The following SOX5 variants were observed in gnomAD, a reference collection of about 807,000 sequenced individuals.
The protein encoded by SOX5 is transcription factor SOX-5.
SOX5 carries 9 observed loss-of-function variants against 92.0 expected under a neutral mutation model. The observed-to-expected ratio is 0.10, with a 90% CI of 0.06 to 0.17. The LOEUF is 0.17. Ranked by LOEUF, SOX5 falls within the 10% of genes least tolerant of loss-of-function variation. The probability of loss-of-function intolerance (pLI) is 1.00; values close to 1 mark genes in which losing one functional copy is unlikely to be tolerated. For missense variants in SOX5, 642 were observed against 944.5 expected, an observed-to-expected ratio of 0.68 and a Z score of 4.20; for synonymous variants, 344 against 336.3, an observed-to-expected ratio of 1.02 and a Z score of -0.25.
intron 4 of SOX5, among the ~76,000 whole-genome samples, chr12:24,099,731 A>G (rs1203677544): frequency 6.6e-6 from 1 of 152,136 alleles, no homozygotes; most frequent in Non-Finnish European, 1.5e-5. Context: ...TGGTTTCTTG[A>G]AGATGTATTA....
chr12:24,300,101 TA>T lies in SOX5; in HGVS notation c.-173-22790del, dbSNP rs368909300. ...CGAAACACTGCTTTCATGAACAATT[TA>T]AATGTATTTTAAACTTATTTTGACT... is the stretch of plus-strand genomic sequence containing the variant. On this transcript the variant is annotated intron_variant, in intron 2 of 4. Coordinates refer to the SOX5 transcript ENST00000446891. 1.2e-4 allele frequency among the ~76,000 whole-genome samples: 19 copies of T among 152,366 alleles called. No homozygotes were observed. The East Asian group carries it at 2.3e-3, about 19-fold the overall frequency.
At chr12:23,973,945 C>A (rs1041405235) in intron 4 of SOX5, among the ~76,000 whole-genome samples, 2 of 152,142 alleles carry the variant, frequency 1.3e-5, no homozygotes, top group Non-Finnish European at 2.9e-5. Context: ...CCACTCCCTG[C>A]CTGTGCCTGA....
chr12:23,622,417 T>G (rs867019647), intron 8 of SOX5, among the ~76,000 whole-genome samples: 2 of 152,170 alleles, frequency 1.3e-5, no homozygotes, highest in South Asian at 4.1e-4. Context: ...TTTCTCTTTT[T>G]TATTTGGATC....
chr12:23,963,082 G>C (rs1310149816), intron 4 of SOX5, among the ~76,000 whole-genome samples: 2 of 152,116 alleles, frequency 1.3e-5, no homozygotes, highest in Non-Finnish European at 2.9e-5. Flanking sequence ...AAGATGACCA[G>C]CCATTTCTGG....
At chr12:24,371,745 C>T (rs1003373689) in intron 1 of SOX5, among the ~76,000 whole-genome samples, 22 of 152,272 alleles carry the variant, frequency 1.4e-4, no homozygotes, top group African/African-American at 5.1e-4. Flanking sequence ...CTCAACACTT[C>T]GGGAGGCCGA....
chr12:23,543,123 C>T, intron 13 of SOX5, 88 bp downstream of exon 13: 1 of 1,066,060 alleles, frequency 9.4e-7, no homozygotes, highest in Non-Finnish European at 1.4e-6. Flanking sequence ...ACCTGTATGG[C>T]CTCCAAATCC....
At chr12:24,181,014 T>C (rs1158150914) in intron 4 of SOX5, among the ~76,000 whole-genome samples, 1 of 152,192 alleles carries the variant, frequency 6.6e-6, no homozygotes, top group African/African-American at 2.4e-5. Flanking sequence ...GAAGTATTTT[T>C]CATGTTGCTT....
intron 3 of SOX5, among the ~76,000 whole-genome samples, chr12:23,804,464 A>C (rs894540379): frequency 6.6e-6 from 1 of 152,122 alleles, no homozygotes; most frequent in Non-Finnish European, 1.5e-5. Context: ...CTCTGATCAG[A>C]TCACACCACT....
At chr12:23,560,112 C>T (rs1029604004) in intron 11 of SOX5, among the ~76,000 whole-genome samples, 2 of 151,992 alleles carry the variant, frequency 1.3e-5, no homozygotes, top group East Asian at 1.9e-4. Flanking sequence ...GGTTTCACCA[C>T]GTTGGCCAGG....
In SOX5 at chr12:23,532,308, C is replaced by T. The variant is rs1057316908; in HGVS notation, c.*1911G>A. 6.6e-6 allele frequency: 1 copy of T among 152,002 alleles called. No individual in the cohort carries two copies. Among genetic ancestry groups the T allele is most frequent in the Non-Finnish European group, 1.5e-5 (1 of 67,976 alleles). The allele number at this position is 152,002 out of a possible 1,614,324, so 9.4% of individuals were successfully genotyped here. A position where few individuals can be genotyped will look rare whatever the true frequency, so the allele number is the denominator to read the frequency against. ...GAGAGAGAGAAAAATAAAAGGGATT[C>T]TTTTTTTATTTATATGTAAAAATCC... On this transcript the variant is annotated 3_prime_UTR_variant, in exon 15 of 15. Transcript: ENST00000451604.
chr12:24,498,339 T>C (rs1000348250), intron 1 of SOX5, among the ~76,000 whole-genome samples: 4 of 152,176 alleles, frequency 2.6e-5, no homozygotes, highest in Admixed American at 2.6e-4. Context: ...AAATCAGTGA[T>C]AGGACTGAGT....
chr12:24,208,219 C>T (rs1301986058), intron 4 of SOX5, among the ~76,000 whole-genome samples: 1 of 152,078 alleles, frequency 6.6e-6, no homozygotes. Context: ...TATAGCCATA[C>T]AGTTTATAAA....
At chr12:23,936,243 T>C (rs185101386) in intron 1 of SOX5, among the ~76,000 whole-genome samples, 51 of 151,154 alleles carry the variant, frequency 3.4e-4, no homozygotes, top group Admixed American at 3.4e-3. Flanking sequence ...GCTGAAGGTA[T>C]TCTTACCCCT....
At chr12:24,096,681 G>A (rs1038934088) in intron 4 of SOX5, among the ~76,000 whole-genome samples, 1 of 152,104 alleles carries the variant, frequency 6.6e-6, no homozygotes, top group Non-Finnish European at 1.5e-5. Flanking sequence ...TACACTGTAT[G>A]TACAGACACA....
At chr12:24,381,734 A>G (rs1957850414) in intron 1 of SOX5, among the ~76,000 whole-genome samples, 2 of 152,228 alleles carry the variant, frequency 1.3e-5, no homozygotes, top group Non-Finnish European at 2.9e-5. Context: ...AGTGACCCAC[A>G]CATAGTTTTT....
chr12:24,256,776 C>G (rs557921573), intron 3 of SOX5, among the ~76,000 whole-genome samples: 1 of 152,162 alleles, frequency 6.6e-6, no homozygotes, highest in East Asian at 1.9e-4. Context: ...AACACACACA[C>G]AGAGCATAAA....
chr12:24,327,911 C>T (rs574162596), intron 2 of SOX5, among the ~76,000 whole-genome samples: 1 of 152,016 alleles, frequency 6.6e-6, no homozygotes, highest in African/African-American at 2.4e-5. Flanking sequence ...AGGCTGGTCT[C>T]GAACTTGTGA....
intron 3 of SOX5, among the ~76,000 whole-genome samples, chr12:23,794,944 C>T (rs751466139): frequency 5.9e-5 from 9 of 151,738 alleles, no homozygotes; most frequent in South Asian, 4.2e-4. Flanking sequence ...TTAACAATTC[C>T]GCTAATATAT....
chr12:24,075,791 T>C (rs1232332403), intron 4 of SOX5, among the ~76,000 whole-genome samples: 1 of 152,148 alleles, frequency 6.6e-6, no homozygotes, highest in African/African-American at 2.4e-5. Flanking sequence ...GTTTAACTCA[T>C]GACAATTTTT....
Sources: allele counts gnomAD v4.1 joint callset (sites outside exome capture counted in the v4.1 genomes callset), GRCh38; gene constraint gnomAD v4.1.1; transcripts MANE v1.5; gene names NCBI Gene and HGNC (gene_info 2026-07-23, HGNC 2026-07-21).